CSMD2: variants seen among roughly 807,000 people sequenced by gnomAD.
The protein encoded by CSMD2 is CUB and sushi domain-containing protein 2.
A neutral mutation model predicts 398.5 loss-of-function variants in CSMD2; 130 were observed. The ratio of observed to expected loss-of-function variants is 0.33; its 90% confidence interval spans 0.28 to 0.38. The LOEUF (loss-of-function observed/expected upper bound fraction) is 0.38, where lower values mean the gene tolerates loss of function less well. Among genes scored for constraint, CSMD2 ranks in the 10% least tolerant of loss-of-function variants. The probability of loss-of-function intolerance (pLI) is 1.00; values close to 1 mark genes in which losing one functional copy is unlikely to be tolerated. For synonymous variants in CSMD2, 1,828 were observed against 1,908.5 expected (o/e 0.96, Z 1.10); for missense variants, 3,829 against 4,764.9 (o/e 0.80, Z 5.78).
intron 66 of CSMD2, among the ~76,000 whole-genome samples, chr1:33,523,677 A>G (rs1654513477): frequency 6.6e-6 from 1 of 152,202 alleles, no homozygotes; most frequent in East Asian, 1.9e-4. Context: ...TTGTGATGCT[A>G]TTGACACAGG....
intron 2 of CSMD2, among the ~76,000 whole-genome samples, chr1:34,072,340 C>A (rs139947314): frequency 6.6e-6 from 1 of 152,288 alleles, no homozygotes; most frequent in East Asian, 1.9e-4. Context: ...AAGTCCAAAC[C>A]TGCCTCCACC....
At chr1:34,067,411 G>A (rs1206966007) in intron 2 of CSMD2, among the ~76,000 whole-genome samples, 1 of 152,180 alleles carries the variant, frequency 6.6e-6, no homozygotes, top group African/African-American at 2.4e-5. Flanking sequence ...GGTGGGGGGT[G>A]CATTCTTACA....
chr1:33,639,719 A>G (rs748191171), intron 29 of CSMD2, among the ~76,000 whole-genome samples: 11 of 152,326 alleles, frequency 7.2e-5, no homozygotes, highest in Non-Finnish European at 1.3e-4. Context: ...AACGATTCCA[A>G]CTACAGACTC....
chr1:33,580,699 T>C (rs770530874), intron 48 of CSMD2, 54 bp downstream of exon 48: 185 of 1,602,706 alleles, frequency 1.2e-4, no homozygotes, highest in Non-Finnish European at 1.4e-4. Flanking sequence ...ACAGAGGAGC[T>C]TGAGGCTTCG....
intron 3 of CSMD2, among the ~76,000 whole-genome samples, chr1:33,941,081 CA>C (rs1183134679): frequency 6.6e-6 from 1 of 152,036 alleles, no homozygotes; most frequent in Non-Finnish European, 1.5e-5. Flanking sequence ...GATTGCTTAC[CA>C]AATGAAGAGG....
chr1:33,534,378 C>A (rs1260068399), intron 62 of CSMD2, among the ~76,000 whole-genome samples: 1 of 152,184 alleles, frequency 6.6e-6, no homozygotes, highest in Admixed American at 6.5e-5. Context: ...GTGTGTGTTC[C>A]TTTCCTCAAT....
At chr1:33,552,045 A>C (rs1369327028) in intron 55 of CSMD2, among the ~76,000 whole-genome samples, 1 of 152,234 alleles carries the variant, frequency 6.6e-6, no homozygotes, top group Non-Finnish European at 1.5e-5. Context: ...CATGTGGGGC[A>C]GAGATGAGCT....
intron 1 of CSMD2, among the ~76,000 whole-genome samples, chr1:34,152,871 T>C (rs1235700110): frequency 1.3e-5 from 2 of 152,274 alleles, no homozygotes; most frequent in Admixed American, 6.5e-5. Flanking sequence ...GCCCATTAAA[T>C]GATTAACTCC....
intron 2 of CSMD2, among the ~76,000 whole-genome samples, chr1:34,080,974 G>GAAAGAAAT (rs869103745): frequency 7.1e-6 from 1 of 140,578 alleles, no homozygotes; most frequent in Non-Finnish European, 1.6e-5. Context: ...AAGAAAGAAA[G>GAAAGAAAT]AAATGCACAG....
At chr1:34,042,863 C>T (rs1235248847) in intron 2 of CSMD2, among the ~76,000 whole-genome samples, 1 of 152,160 alleles carries the variant, frequency 6.6e-6, no homozygotes, top group Non-Finnish European at 1.5e-5. Context: ...TCTCGGCTCT[C>T]TCCAAGCTCT....
chr1:33,977,005 C>T (rs1213448870), intron 3 of CSMD2, among the ~76,000 whole-genome samples: 1 of 151,718 alleles, frequency 6.6e-6, no homozygotes, highest in African/African-American at 2.4e-5. Flanking sequence ...GAAATTAATT[C>T]ACAGCACAGG....
chr1:33,809,897 T>C (rs1656661000), intron 10 of CSMD2, among the ~76,000 whole-genome samples: 1 of 152,070 alleles, frequency 6.6e-6, no homozygotes, highest in African/African-American at 2.4e-5. Context: ...TTTAAAAGAT[T>C]TGATTTATAA....
At chr1:34,032,073 C>T (rs1292917921) in intron 3 of CSMD2, among the ~76,000 whole-genome samples, 1 of 152,064 alleles carries the variant, frequency 6.6e-6, no homozygotes, top group African/African-American at 2.4e-5. Flanking sequence ...TTTAAACAGA[C>T]TGAGAGAAGT....
At chr1:33,625,518 G>A (rs1012809769) in intron 33 of CSMD2, among the ~76,000 whole-genome samples, 7 of 152,138 alleles carry the variant, frequency 4.6e-5, no homozygotes, top group African/African-American at 1.7e-4. Context: ...GCCCAGTTTT[G>A]TTCTTTGCTT....
chr1:33,614,451 G>T, intron 40 of CSMD2, 53 bp downstream of exon 40: 1 of 1,061,948 alleles, frequency 9.4e-7, no homozygotes, highest in Non-Finnish European at 1.5e-6. Flanking sequence ...GTAGTTTTAA[G>T]CTCAAGGGTC....
chr1:33,963,494 T>A (rs913263767), intron 3 of CSMD2, among the ~76,000 whole-genome samples: 6 of 152,224 alleles, frequency 3.9e-5, no homozygotes, highest in Non-Finnish European at 8.8e-5. Flanking sequence ...ATCACCACAA[T>A]CAGGATAATG....
intron 22 of CSMD2, among the ~76,000 whole-genome samples, chr1:33,706,782 A>C (rs1348938485): frequency 1.3e-5 from 2 of 151,462 alleles, no homozygotes; most frequent in Non-Finnish European, 2.9e-5. Flanking sequence ...GTGTGTGTGC[A>C]TGTACGTGTG....
At chr1:33,998,005 C>T (rs1390839728) in intron 3 of CSMD2, among the ~76,000 whole-genome samples, 23 of 152,172 alleles carry the variant, frequency 1.5e-4, no homozygotes, top group Non-Finnish European at 1.5e-5. Flanking sequence ...GTTGCCTTTA[C>T]AATTCATGTT....
Position 33,537,796 on chromosome 1 carries a change from C to A in CSMD2, c.9632-187G>T, listed in dbSNP as rs1655948502. 6.6e-6 allele frequency among the ~76,000 whole-genome samples: 1 copy of A among 152,256 alleles called. No homozygotes were observed. Among genetic ancestry groups the A allele is most frequent in the Non-Finnish European group, 1.5e-5 (1 of 68,048 alleles). On this transcript the variant is annotated intron_variant, in intron 60 of 70. Coordinates refer to ENST00000373381, the MANE Select transcript of CSMD2 (RefSeq NM_001281956.2). The surrounding 1 kb of genome is among the most constrained non-coding windows in gnomAD (Gnocchi z 4.6). ...GCTGCTGCTGATGGGGGCTTCCTCT[C>A]CCTTCTACATTCAAAGTGCCTATTA...
Sources: gnomAD v4.1 joint callset for allele counts (sites outside exome capture counted in the v4.1 genomes callset) on GRCh38, gnomAD v4.1.1 for gene constraint, Gnocchi (gnomAD v3.1) non-coding constraint, MANE v1.5 for transcripts, NCBI Gene and HGNC (gene_info 2026-07-23, HGNC 2026-07-21) for gene names.